Variants in MEGF11 observed in about 807,000 individuals in gnomAD.
The protein encoded by MEGF11 is multiple epidermal growth factor-like domains protein 11.
Under a neutral mutation model 146.6 loss-of-function variants are expected in MEGF11, and 126 were observed. The ratio of observed to expected loss-of-function variants is 0.86; its 90% CI spans 0.74 to 1.00. The LOEUF is 1.00. MEGF11 is among the 50% of genes least tolerant of loss of function. The pLI is 0.00. For missense variants in MEGF11, 1,509 were observed against 1,521.2 expected (o/e 0.99, Z 0.13); for synonymous variants, 532 against 583.4 (o/e 0.91, Z 1.27).
At chr15:66,045,160 G>A (rs1274002493) in intron 5 of MEGF11, among the ~76,000 whole-genome samples, 1 of 152,210 alleles carries the variant, frequency 6.6e-6, no homozygotes, top group African/African-American at 2.4e-5. Flanking sequence ...AGCTTCCCAG[G>A]GCGGTTGGCC....
chr15:66,235,831 A>G (rs535733622), intron 1 of MEGF11, among the ~76,000 whole-genome samples: 23 of 152,330 alleles, frequency 1.5e-4, no homozygotes, highest in African/African-American at 5.3e-4. Flanking sequence ...GCCACAGGCA[A>G]GCATCAAGTC....
intron 5 of MEGF11, among the ~76,000 whole-genome samples, chr15:66,017,182 G>C (rs1483851472): frequency 6.6e-6 from 1 of 152,190 alleles, no homozygotes; most frequent in Non-Finnish European, 1.5e-5. Flanking sequence ...TACTGTAATG[G>C]AGCTGTCATC....
chr15:65,997,377 TG>T (rs1209899567), intron 5 of MEGF11, among the ~76,000 whole-genome samples: 1 of 152,158 alleles, frequency 6.6e-6, no homozygotes, highest in East Asian at 1.9e-4. Flanking sequence ...TGCCAGTCAC[TG>T]GGGATTGAGT....
intron 1 of MEGF11, among the ~76,000 whole-genome samples, chr15:66,247,825 T>C (rs1597175156): frequency 6.6e-6 from 1 of 151,916 alleles, no homozygotes; most frequent in African/African-American, 2.4e-5. Context: ...TCACCTGAGG[T>C]TGGGAGTTTG....
intron 1 of MEGF11, among the ~76,000 whole-genome samples, chr15:66,215,479 A>G (rs2091561193): frequency 6.6e-6 from 1 of 152,206 alleles, no homozygotes; most frequent in South Asian, 2.1e-4. Flanking sequence ...GCAGAGCTGC[A>G]TAGATCACAT....
chr15:66,079,665 C>A (rs1597061280), intron 5 of MEGF11, among the ~76,000 whole-genome samples: 1 of 152,256 alleles, frequency 6.6e-6, no homozygotes, highest in African/African-American at 2.4e-5. Context: ...TGGCCACTCT[C>A]AGATTCCCTA....
chr15:66,111,455 C>G (rs12593972), intron 4 of MEGF11, among the ~76,000 whole-genome samples: 25,953 of 152,094 alleles, frequency 0.17, 2,491 homozygotes, highest in East Asian at 0.34. Flanking sequence ...AAGGAGAGCA[C>G]GGTAAATTTC....
At chr15:66,042,523 G>T (rs554975132) in intron 5 of MEGF11, among the ~76,000 whole-genome samples, 1 of 151,968 alleles carries the variant, frequency 6.6e-6, no homozygotes, top group Non-Finnish European at 1.5e-5. Flanking sequence ...CAGAGCACTG[G>T]GGGGGAACAT....
rs780511302 is a variant in MEGF11 at position 65,898,454 on chromosome 15, T to TGC, written c.3262+272_3262+273dup. On this transcript the variant is annotated intron_variant, in intron 25 of 25. Transcript: ENST00000395614. ...TGTATCAACAATCTGTGTGTGTGTG[T>TGC]GCGCGCGTGCACGTGCATGTGCCCA... The TGC allele has an allele frequency of 4.3e-4, 420 of 985,360 alleles. 1 individual carries two copies. The highest frequency in any genetic ancestry group is 4.8e-4 in the Non-Finnish European group (396 of 829,914). 61.0% of individuals were successfully genotyped at this position (985,360 alleles called of 1,614,324 possible). A position where few individuals can be genotyped will look rare whatever the true frequency, so the allele number is the denominator to read the frequency against.
chr15:66,139,445 T>G (rs987696828), intron 1 of MEGF11, among the ~76,000 whole-genome samples: 12 of 152,238 alleles, frequency 7.9e-5, no homozygotes, highest in Admixed American at 6.5e-4. Flanking sequence ...TAAGAGAGCA[T>G]TACACAAAGA....
At chr15:65,993,866 T>A (rs1190495101) in intron 5 of MEGF11, among the ~76,000 whole-genome samples, 1 of 152,116 alleles carries the variant, frequency 6.6e-6, no homozygotes, top group Non-Finnish European at 1.5e-5. Context: ...GGAGGGAGCC[T>A]CTCTCTATCT....
At chr15:66,207,767 C>T (rs1279316097) in intron 1 of MEGF11, among the ~76,000 whole-genome samples, 3 of 152,122 alleles carry the variant, frequency 2.0e-5, no homozygotes, top group East Asian at 1.9e-4. Context: ...TGATGTAATT[C>T]GTATGACAAT....
chr15:65,961,829 G>A lies in MEGF11; in HGVS notation c.1112+3079C>T, dbSNP rs1321586051. Among the ~76,000 whole-genome samples, 4 of 152,160 alleles carry A rather than the reference G, an allele frequency of 2.6e-5. No individual in the cohort carries two copies. In the East Asian group the frequency reaches 7.7e-4, roughly 29 times the overall value. On this transcript the variant is annotated intron_variant, in intron 9 of 25. Coordinates refer to ENST00000395614, the MANE Select transcript of MEGF11 (RefSeq NM_001385028.1). ...TGGTGGGGGCTTTGTTGTAAGTTCT[G>A]CAGAAGGCAGGGAGCTTTGAGGCTA...
Position 65,909,743 on chromosome 15 carries a change from A to AC in MEGF11, c.2892dup (p.Leu965ValfsTer22), listed in dbSNP as rs755323272. On this transcript the variant is annotated frameshift_variant, in exon 22 of 26. Coordinates refer to ENST00000395614, the MANE Select transcript of MEGF11 (RefSeq NM_001385028.1). LOFTEE classifies it high-confidence loss of function. The stretch of plus-strand genomic sequence containing the variant: ...CCAGACTCACACCACTACTGACCTA[A>AC]CACGTTCACATAGCTGTAGGGGGTC... 6.3e-7 allele frequency: 1 copy of AC among 1,577,180 alleles called. No individual in the cohort carries two copies. Among genetic ancestry groups the AC allele is most frequent in the East Asian group, 2.3e-5 (1 of 43,752 alleles).
intron 5 of MEGF11, among the ~76,000 whole-genome samples, chr15:66,058,369 C>A (rs2084765454): frequency 6.6e-6 from 1 of 152,218 alleles, no homozygotes; most frequent in Non-Finnish European, 1.5e-5. Context: ...TAACACACTT[C>A]TTCAAGAAGC....
At chr15:65,927,252 C>G (rs1273201889) in intron 13 of MEGF11, among the ~76,000 whole-genome samples, 2 of 152,148 alleles carry the variant, frequency 1.3e-5, no homozygotes, top group African/African-American at 4.8e-5. Context: ...CCTGTAGTTG[C>G]AAGGATAATT....
At chr15:66,167,025 T>C (rs1329540204) in intron 1 of MEGF11, among the ~76,000 whole-genome samples, 1 of 152,064 alleles carries the variant, frequency 6.6e-6, no homozygotes, top group East Asian at 1.9e-4. Flanking sequence ...CTTGAGGTCA[T>C]AGTTGATGCA....
chr15:66,018,867 A>T (rs78353992), intron 5 of MEGF11, among the ~76,000 whole-genome samples: 3,052 of 152,312 alleles, frequency 0.02, 50 homozygotes, highest in Non-Finnish European at 0.031. Context: ...CCAGAATGAG[A>T]TGTGTAGAGC....
chr15:66,119,146 T>C lies in MEGF11; in HGVS notation c.241A>G (p.Met81Val). ...CAGCACTGGGACCTCCGCCGGTACA[T>C]GGTCCGGAGGCCTCTCCGATACGCC... ...KTAYRRGLRT[M>V]YRRRSQCCPG... Residue 81 changes from methionine to valine, a missense_variant, in exon 4 of 26, where the codon ATG becomes GTG. Coordinates refer to ENST00000395614, the MANE Select transcript of MEGF11 (RefSeq NM_001385028.1). 4 of 1,551,668 alleles carry C rather than the reference T, an allele frequency of 2.6e-6. No homozygotes were observed. Among genetic ancestry groups the C allele is most frequent in the Non-Finnish European group, 3.5e-6 (4 of 1,147,020 alleles).
Sources: gnomAD v4.1 joint callset for allele counts (sites outside exome capture counted in the v4.1 genomes callset) on GRCh38, gnomAD v4.1.1 for gene constraint, MANE v1.5 for transcripts, NCBI Gene and HGNC (gene_info 2026-07-23, HGNC 2026-07-21) for gene names.